The following SH3PXD2A variants were observed in gnomAD, a reference collection of about 807,000 sequenced individuals.
SH3PXD2A encodes the protein SH3 and PX domains 2A.
In SH3PXD2A, 32 loss-of-function variants were observed where a neutral mutation model predicts 115.2. The observed-to-expected ratio is 0.28, with a 90% CI of 0.21 to 0.37. The LOEUF (loss-of-function observed/expected upper bound fraction) is 0.37. SH3PXD2A is among the 10% of genes least tolerant of loss of function. The probability of loss-of-function intolerance (pLI) is 1.00; values close to 1 mark genes in which losing one functional copy is unlikely to be tolerated. For synonymous variants in SH3PXD2A, 610 were observed against 629.1 expected, an observed-to-expected ratio of 0.97 and a Z score of 0.45; for missense variants, 1,328 against 1,498.7, an observed-to-expected ratio of 0.89 and a Z score of 1.88.
chr10:103,822,103 C>T (rs2039387187), intron 1 of SH3PXD2A, among the ~76,000 whole-genome samples: 1 of 152,134 alleles, frequency 6.6e-6, no homozygotes, highest in South Asian at 2.1e-4. Context: ...AGGGTTTCAC[C>T]AGGTCTCAAA....
chr10:103,825,755 G>A (rs150663103), intron 1 of SH3PXD2A, among the ~76,000 whole-genome samples: 2 of 136,796 alleles, frequency 1.5e-5, no homozygotes, highest in African/African-American at 2.7e-5. Context: ...CACAGCATCC[G>A]TAACAAATTT....
chr10:103,723,507 G>C (rs1347490724), intron 5 of SH3PXD2A, among the ~76,000 whole-genome samples: 1 of 152,114 alleles, frequency 6.6e-6, no homozygotes, highest in African/African-American at 2.4e-5. Flanking sequence ...TGGCTGAGTG[G>C]GCCATCTTTA....
intron 5 of SH3PXD2A, among the ~76,000 whole-genome samples, chr10:103,713,821 C>T (rs1051175392): frequency 1.3e-5 from 2 of 152,192 alleles, no homozygotes; most frequent in Admixed American, 6.5e-5. Context: ...GGGGAGGAGC[C>T]AGGGTTTGCC....
At chr10:103,629,439 C>T (rs749459395) in intron 8 of SH3PXD2A, among the ~76,000 whole-genome samples, 1 of 152,180 alleles carries the variant, frequency 6.6e-6, no homozygotes, top group Non-Finnish European at 1.5e-5. Flanking sequence ...GAGACTGCTT[C>T]CAGGTGGCTT....
intron 2 of SH3PXD2A, among the ~76,000 whole-genome samples, chr10:103,773,616 T>C (rs1272522093): frequency 6.6e-6 from 1 of 152,046 alleles, no homozygotes; most frequent in Non-Finnish European, 1.5e-5. Flanking sequence ...ATATTTTGTA[T>C]TTTTAGTAGA....
chr10:103,722,437 C>T (rs1047921621), intron 5 of SH3PXD2A, among the ~76,000 whole-genome samples: 3 of 151,952 alleles, frequency 2.0e-5, no homozygotes, highest in Non-Finnish European at 2.9e-5. Flanking sequence ...CCCTATTTCT[C>T]GCTATTCTTT....
In SH3PXD2A at chr10:103,784,388, C is replaced by T. The variant is rs1412757589; in HGVS notation, c.153+16894G>A. Among the ~76,000 whole-genome samples the T allele has an allele frequency of 1.3e-5, 2 of 152,226 alleles. No homozygotes were observed. Among genetic ancestry groups the T allele is most frequent in the Non-Finnish European group, 2.9e-5 (2 of 68,046 alleles). ...CCCCAGCCCTTCTCCACCTCCAGTT[C>T]CACTCCTACACGCAGACCCAAGGCA... On this transcript the variant is annotated intron_variant, in intron 2 of 14. Transcript: ENST00000369774. The surrounding 1 kb of genome is among the most constrained non-coding windows in gnomAD (Gnocchi z 4.4).
chr10:103,627,304 A>T lies in SH3PXD2A; in HGVS notation c.605-102T>A. 1.4e-6 allele frequency: 1 copy of T among 708,304 alleles called. No individual in the cohort carries two copies. The highest frequency in any genetic ancestry group is 2.5e-6 in the Non-Finnish European group (1 of 400,934). The allele number at this position is 708,304 out of a possible 1,614,324, so 43.9% of individuals were successfully genotyped here. ...ATGGAAGGAGAGGCACAAGAAGCGG[A>T]GCATGGAGCCAGATGGCCTGGGGAC... On this transcript the variant is annotated intron_variant, in intron 8 of 14. Coordinates refer to ENST00000369774, the MANE Select transcript of SH3PXD2A (RefSeq NM_001394015.1). The surrounding 1 kb of genome is among the most constrained non-coding windows in gnomAD (Gnocchi z 4.4).
At chr10:103,758,779 G>T (rs1256721695) in intron 3 of SH3PXD2A, among the ~76,000 whole-genome samples, 3 of 152,174 alleles carry the variant, frequency 2.0e-5, no homozygotes, top group East Asian at 3.8e-4. Context: ...TGTTTAAGAT[G>T]GCACACGGTG....
intron 2 of SH3PXD2A, among the ~76,000 whole-genome samples, chr10:103,790,567 C>G (rs1206400181): frequency 1.3e-5 from 2 of 152,126 alleles, no homozygotes; most frequent in South Asian, 4.1e-4. Context: ...ACAAATCACT[C>G]CCTGCTTGGG....
intron 1 of SH3PXD2A, among the ~76,000 whole-genome samples, chr10:103,831,860 T>C (rs1322474650): frequency 3.3e-5 from 5 of 152,192 alleles, no homozygotes; most frequent in African/African-American, 9.7e-5. Context: ...CAACTTTCTG[T>C]TTCTATGCAT....
chr10:103,601,719 C>A lies in SH3PXD2A; in HGVS notation c.*97G>T. On this transcript the variant is annotated 3_prime_UTR_variant, in exon 15 of 15. Transcript: ENST00000369774. Reference sequence around the variant, plus strand: ...TTGAATGTTGTCCACCCCCCACCCCCCACCCCCATTTTTTCCTTTCCCTTT... The same window carrying A: ...TTGAATGTTGTCCACCCCCCACCCCACACCCCCATTTTTTCCTTTCCCTTT... 5.2e-6 allele frequency: 1 copy of A among 192,910 alleles called. No individual in the cohort carries two copies. The highest frequency in any genetic ancestry group is 4.9e-5 in the Admixed American group (1 of 20,540). 11.9% of individuals were successfully genotyped at this position (192,910 alleles called of 1,614,324 possible).
At chr10:103,674,652 T>C (rs1224123241) in intron 6 of SH3PXD2A, among the ~76,000 whole-genome samples, 1 of 152,068 alleles carries the variant, frequency 6.6e-6, no homozygotes, top group African/African-American at 2.4e-5. Flanking sequence ...AAACCCCGTC[T>C]CTACTAAAAA....
chr10:103,727,901 T>C (rs1219471542), intron 4 of SH3PXD2A, among the ~76,000 whole-genome samples: 11 of 152,154 alleles, frequency 7.2e-5, no homozygotes, highest in Non-Finnish European at 1.2e-4. Context: ...CCAAAATCAT[T>C]TGGCAGGAGA....
chr10:103,653,983 G>A (rs1380380097), intron 8 of SH3PXD2A, among the ~76,000 whole-genome samples: 1 of 151,754 alleles, frequency 6.6e-6, no homozygotes, highest in Non-Finnish European at 1.5e-5. Flanking sequence ...CTGCTTTGCA[G>A]TCGCAGCCCC....
intron 1 of SH3PXD2A, among the ~76,000 whole-genome samples, chr10:103,841,097 G>GT (rs1346935404): frequency 2.0e-5 from 3 of 152,210 alleles, no homozygotes; most frequent in Non-Finnish European, 4.4e-5. Flanking sequence ...TTCAGCAACT[G>GT]TAAGTTAGAA....
intron 7 of SH3PXD2A, among the ~76,000 whole-genome samples, chr10:103,664,835 T>C (rs2037363428): frequency 6.7e-6 from 1 of 149,346 alleles, no homozygotes. Context: ...CCTGGCTAAA[T>C]TTTTTTTTGT....
intron 2 of SH3PXD2A, among the ~76,000 whole-genome samples, chr10:103,782,049 C>T (rs1354538172): frequency 6.6e-6 from 1 of 152,198 alleles, no homozygotes; most frequent in African/African-American, 2.4e-5. Flanking sequence ...GGGCTCCTCA[C>T]AAAGCCCAAG....
intron 6 of SH3PXD2A, among the ~76,000 whole-genome samples, chr10:103,682,756 CA>C (rs10706432): frequency 0.83 from 115,072 of 138,262 alleles, 47,546 homozygotes; most frequent in East Asian, 0.99. Context: ...GATTCCGTCT[CA>C]AAAAAAAAAA....
Sources: gnomAD v4.1 joint callset for allele counts (sites outside exome capture counted in the v4.1 genomes callset) on GRCh38, gnomAD v4.1.1 for gene constraint, Gnocchi (gnomAD v3.1) non-coding constraint, MANE v1.5 for transcripts, NCBI Gene and HGNC (gene_info 2026-07-23, HGNC 2026-07-21) for gene names.